The following DCBLD2 variants were observed in gnomAD, a reference collection of about 807,000 sequenced individuals.
The protein encoded by DCBLD2 is discoidin, CUB and LCCL domain-containing protein 2.
Under a neutral mutation model 86.8 loss-of-function variants are expected in DCBLD2, and 54 were observed. The observed-to-expected ratio is 0.62, with a 90% CI of 0.50 to 0.78. The LOEUF is 0.78. DCBLD2 is among the 30% of genes least tolerant of loss of function. The pLI is 0.00. For missense variants in DCBLD2, 908 were observed against 954.2 expected, an observed-to-expected ratio of 0.95 and a Z score of 0.64; for synonymous variants, 354 against 341.3, an observed-to-expected ratio of 1.04 and a Z score of -0.41.
At chr3:98,872,069 G>A (rs149985538) in intron 2 of DCBLD2, among the ~76,000 whole-genome samples, 1 of 152,280 alleles carries the variant, frequency 6.6e-6, no homozygotes, top group African/African-American at 2.4e-5. Flanking sequence ...TTTCTAGTTT[G>A]TGTGCACAGA....
intron 2 of DCBLD2, among the ~76,000 whole-genome samples, chr3:98,851,870 C>T (rs1942843479): frequency 6.6e-6 from 1 of 152,150 alleles, no homozygotes; most frequent in Non-Finnish European, 1.5e-5. Flanking sequence ...GGAAAACTGG[C>T]CAGCTAGCCA....
intron 2 of DCBLD2, 38 bp from the exon 3 acceptor site, chr3:98,849,636 C>T: frequency 6.3e-7 from 1 of 1,588,878 alleles, no homozygotes; most frequent in Non-Finnish European, 8.6e-7. Context: ...TGGGATGACT[C>T]TCATGAAGTC....
chr3:98,836,338 G>A (rs1942447423), intron 3 of DCBLD2, among the ~76,000 whole-genome samples: 1 of 146,086 alleles, frequency 6.8e-6, no homozygotes, highest in Non-Finnish European at 1.5e-5. Context: ...GCCAGAGGTG[G>A]AAGTCTGTGG....
Position 98,808,157 on chromosome 3 carries a change from C to A in DCBLD2, c.1594G>T (p.Val532Phe). 1 of 1,602,846 alleles carries A rather than the reference C, an allele frequency of 6.2e-7. No individual in the cohort carries two copies. Among genetic ancestry groups the A allele is most frequent in the African/African-American group, 1.3e-5 (1 of 74,552 alleles). ...ACCATGACCAGCACAGGGACAAGAA[C>A]TGCAGCCAGCGCTACATCTGAAGTT... ...NVTKDVALAA[V>F]LVPVLVMVLT... is the part of the protein sequence containing the mutation. Residue 532 changes from valine (V) to phenylalanine (F), a missense_variant, in exon 13 of 16, where the codon GTT (valine) becomes TTT (phenylalanine). Val to Phe is a conservative substitution (Grantham distance 50). This residue lies in a region of DCBLD2 where 606 missense variants were observed against 678.5 expected (regional missense o/e 0.89). Transcript: ENST00000326840.
Position 98,886,800 on chromosome 3 carries a change from A to C in DCBLD2, c.206-5033T>G, listed in dbSNP as rs925965406. On this transcript the variant is annotated intron_variant, in intron 1 of 15. Transcript: ENST00000326840. ...CAAATTTTGATATTATTACAGGAAA[A>C]CCCCCCCCCTTTTTTTTTTTTTTTT... 4.2e-3 allele frequency among the ~76,000 whole-genome samples: 525 copies of C among 123,710 alleles called. 4 individuals are homozygous for C. Among genetic ancestry groups the C allele is most frequent in the South Asian group, 0.029 (100 of 3,494 alleles). The allele number at this position is 123,710 out of a possible 152,430, so 81.2% of individuals were successfully genotyped here.
rs1314019137 is a variant in DCBLD2 at position 98,799,592 on chromosome 3, G to T, written c.2108C>A (p.Ala703Asp). 1.2e-6 allele frequency: 2 copies of T among 1,613,880 alleles called. No individual in the cohort carries two copies. The highest frequency in any genetic ancestry group is 2.7e-5 in the African/African-American group (2 of 74,928). The change falls in exon 16 of 16, where the codon GCT becomes GAT. Residue 703 changes from alanine to aspartate, a missense_variant. Coordinates refer to ENST00000326840, the MANE Select transcript of DCBLD2 (RefSeq NM_080927.4). ...VGQPSTSTFK[A>D]TGNQPPPLVG... ...TAGTGGGGGAGGTTGGTTCCCCGTA[G>T]CCTTGAAAGTGGATGTGGAGGGCTG... is the stretch of plus-strand genomic sequence containing the variant.
At chr3:98,876,873 TC>T (rs1217612654) in intron 2 of DCBLD2, among the ~76,000 whole-genome samples, 3 of 152,184 alleles carry the variant, frequency 2.0e-5, no homozygotes, top group Non-Finnish European at 4.4e-5. Flanking sequence ...CACAGTGATT[TC>T]CAGAAAACAC....
intron 2 of DCBLD2, among the ~76,000 whole-genome samples, chr3:98,867,340 C>A (rs887922310): frequency 1.3e-5 from 2 of 152,178 alleles, no homozygotes; most frequent in African/African-American, 4.8e-5. Flanking sequence ...TATCCATGAG[C>A]ATGGAATGTT....
At chr3:98,870,743 A>AAGAAAGAAAGAAAG (rs1559794435) in intron 2 of DCBLD2, among the ~76,000 whole-genome samples, 6 of 82,688 alleles carry the variant, frequency 7.3e-5, no homozygotes, top group African/African-American at 2.4e-4. Flanking sequence ...AAGAAAAAGA[A>AAGAAAGAAAGAAAG]AGAAAGAAAG....
Position 98,819,418 on chromosome 3 carries a change from C to G in DCBLD2, c.872-1G>C, listed in dbSNP as rs1942079357. ...TCCATCCCCAGTGTTCCATAACATC[C>G]TGAAACAAAGAAAAGACTAAATTTG... On this transcript the variant is annotated splice_acceptor_variant, in intron 7 of 15. Transcript: ENST00000326840. LOFTEE classifies it high-confidence loss of function. The G allele has an allele frequency of 6.2e-7, 1 of 1,613,518 alleles. No individual in the cohort carries two copies. Among genetic ancestry groups the G allele is most frequent in the Non-Finnish European group, 8.5e-7 (1 of 1,179,696 alleles).
chr3:98,873,850 G>GA (rs1241213833), intron 2 of DCBLD2, among the ~76,000 whole-genome samples: 1 of 152,016 alleles, frequency 6.6e-6, no homozygotes, highest in African/African-American at 2.4e-5. Flanking sequence ...CTAATTTAAT[G>GA]AAAAAAGAGG....
intron 13 of DCBLD2, among the ~76,000 whole-genome samples, chr3:98,804,756 T>C (rs1193221364): frequency 1.3e-5 from 2 of 152,226 alleles, no homozygotes; most frequent in East Asian, 3.8e-4. Context: ...TTTGCTCTCA[T>C]TGGTTTCAAA....
intron 2 of DCBLD2, among the ~76,000 whole-genome samples, chr3:98,869,920 G>A (rs373334247): frequency 5.9e-5 from 9 of 152,200 alleles, no homozygotes; most frequent in African/African-American, 2.2e-4. Flanking sequence ...TAAAAATGGA[G>A]TGCTATAAAT....
Position 98,800,578 on chromosome 3 carries a change from C to A in DCBLD2, c.1858+1G>T. ...GTACCAGAAGGCTGCAACATAGTTA[C>A]CTGCAGAGTCAGCCTGCAGCACTGT... On this transcript the variant is annotated splice_donor_variant, in intron 15 of 15. Transcript: ENST00000326840. LOFTEE classifies it high-confidence loss of function. 1.2e-6 allele frequency: 2 copies of A among 1,612,534 alleles called. No individual in the cohort carries two copies. Among genetic ancestry groups the A allele is most frequent in the East Asian group, 4.5e-5 (2 of 44,866 alleles).
chr3:98,886,809 C>CCTTTTTTT (rs1553734160), intron 1 of DCBLD2, among the ~76,000 whole-genome samples: 1 of 121,480 alleles, frequency 8.2e-6, no homozygotes, highest in Non-Finnish European at 1.7e-5. Context: ...AACCCCCCCC[C>CCTTTTTTT]TTTTTTTTTT....
chr3:98,868,047 C>T (rs1411247691), intron 2 of DCBLD2, among the ~76,000 whole-genome samples: 1 of 152,098 alleles, frequency 6.6e-6, no homozygotes, highest in Non-Finnish European at 1.5e-5. Flanking sequence ...TTGTGATCTG[C>T]CCACCTCAGC....
At chr3:98,875,729 A>G (rs1943357033) in intron 2 of DCBLD2, among the ~76,000 whole-genome samples, 1 of 152,170 alleles carries the variant, frequency 6.6e-6, no homozygotes, top group Admixed American at 6.6e-5. Context: ...AGTGCAACCC[A>G]AAGTCCAGAA....
At chr3:98,819,071 C>T (rs1210784465) in intron 8 of DCBLD2, 131 bp downstream of exon 8, 2 of 885,350 alleles carry the variant, frequency 2.3e-6, no homozygotes, top group East Asian at 5.3e-5. Context: ...ATATTAACAT[C>T]AGTGAAGAAA....
chr3:98,822,893 A>G (rs937339812), intron 4 of DCBLD2, among the ~76,000 whole-genome samples, 152 bp from the exon 5 acceptor site: 9 of 152,158 alleles, frequency 5.9e-5, no homozygotes, highest in African/African-American at 2.2e-4. Context: ...TTTTTTTGAC[A>G]CGGAGTTTCA....
Sources: allele counts gnomAD v4.1 joint callset (sites outside exome capture counted in the v4.1 genomes callset), GRCh38; gene constraint gnomAD v4.1.1; regional missense constraint gnomAD v4.1.1; transcripts MANE v1.5; gene names NCBI Gene and HGNC (gene_info 2026-07-23, HGNC 2026-07-21).